SHISA7: variants seen among roughly 807,000 people sequenced by gnomAD.
SHISA7 encodes shisa family member 7, also known as protein shisa-7.
In SHISA7, 6 loss-of-function variants were observed where a neutral mutation model predicts 23.9. The ratio of observed to expected loss-of-function variants is 0.25; its 90% confidence interval spans 0.14 to 0.50. SHISA7 has a LOEUF of 0.50. Among genes scored for constraint, SHISA7 ranks in the 20% least tolerant of loss-of-function variants. The pLI is 0.98. For synonymous variants in SHISA7, 386 were observed against 398.3 expected (o/e 0.97, Z 0.37); for missense variants, 671 against 801.1 (o/e 0.84, Z 1.96).
chr19:55,442,514 T>TCACAGCAGAAGCGGTAGTGGCAGGTGC lies in SHISA7; in HGVS notation c.323_349dup (p.Gly108_Cys116dup). On this transcript the variant is annotated inframe_insertion, in exon 1 of 4. Transcript: ENST00000376325. ...CTGCGCCAGGCGCATGTGACGGTGC[T>TCACAGCAGAAGCGGTAGTGGCAGGTGC]CACAGCAGAAGCGGTAGTGGCAGGT... 6.8e-7 allele frequency: 1 copy of TCACAGCAGAAGCGGTAGTGGCAGGTGC among 1,478,564 alleles called. No homozygotes were observed. Among genetic ancestry groups the TCACAGCAGAAGCGGTAGTGGCAGGTGC allele is most frequent in the Non-Finnish European group, 9.0e-7 (1 of 1,111,036 alleles). The allele number at this position is 1,478,564 out of a possible 1,614,324, so 91.6% of individuals were successfully genotyped here.
At chr19:55,439,292 C>T (rs565495653) in intron 2 of SHISA7, among the ~76,000 whole-genome samples, 1 of 152,232 alleles carries the variant, frequency 6.6e-6, no homozygotes, top group Non-Finnish European at 1.5e-5. Context: ...CCTTGAAGCC[C>T]TTCTTCCCAT....
chr19:55,441,689 T>C (rs1434447354), intron 1 of SHISA7, among the ~76,000 whole-genome samples: 6 of 152,186 alleles, frequency 3.9e-5, no homozygotes, highest in Admixed American at 3.9e-4. Context: ...ACTGGGCCAC[T>C]GATAGTTAAT....
At position 55,433,556 on chromosome 19, in the gene SHISA7, C is replaced by A; in HGVS notation, c.1217G>T (p.Arg406Leu). 1 of 1,490,354 alleles carries A rather than the reference C, an allele frequency of 6.7e-7. No individual in the cohort carries two copies. Among genetic ancestry groups the A allele is most frequent in the South Asian group, 1.3e-5 (1 of 79,544 alleles). 92.3% of individuals were successfully genotyped at this position (1,490,354 alleles called of 1,614,324 possible). ...SRYEFTLPRA[R>L]LVSQEHLLLS... ...CAGCAGGTGCTCCTGCGACACCAGG[C>A]GCGCGCGCGGCAGCGTGAACTCGTA... is the stretch of plus-strand genomic sequence containing the variant. The change falls in exon 4 of 4, where the codon CGC becomes CTC. Residue 406 changes from arginine to leucine, a missense_variant. Physicochemically the swap from Arg to Leu is moderately radical, Grantham distance 102 (BLOSUM62 -2). Around this residue, in one of 5 missense-constraint regions of SHISA7, gnomAD observed 457 missense variants for 488.3 expected, o/e 0.94. Coordinates refer to ENST00000376325, the MANE Select transcript of SHISA7 (RefSeq NM_001145176.2). The surrounding 1 kb of genome is among the most constrained non-coding windows in gnomAD (Gnocchi z 8.4).
chr19:55,442,080 G>C, intron 1 of SHISA7, 113 bp downstream of exon 1: 1 of 1,112,374 alleles, frequency 9.0e-7, no homozygotes, highest in South Asian at 1.7e-5. Context: ...GCCGCCACCT[G>C]GGTCTCTGAC....
At chr19:55,440,862 A>C (rs1052126877) in intron 1 of SHISA7, 97 bp from the exon 2 acceptor site, 1 of 1,144,612 alleles carries the variant, frequency 8.7e-7, no homozygotes, top group East Asian at 3.2e-5. Flanking sequence ...CCCTTGGGTA[A>C]TCTGTCACTC....
At position 55,442,720 on chromosome 19, in the gene SHISA7, C is replaced by G. The variant is rs1457893762; in HGVS notation, c.144G>C (p.Thr48=). The change falls in exon 1 of 4, where the codon ACG becomes ACC. Residue 48 remains threonine, a synonymous_variant. Transcript: ENST00000376325. ...AHLRRLTGAL[T]GGGGAASPGA... is the part of the protein sequence containing the mutation. ...CTGGGCTCGCCGCGCCCCCGCCGCCCGTCAGCGCCCCGGTCAGGCGCCGCA... is the reference window on the plus strand; with the variant it reads ...CTGGGCTCGCCGCGCCCCCGCCGCCGGTCAGCGCCCCGGTCAGGCGCCGCA... 1 of 1,026,918 alleles carries G rather than the reference C, an allele frequency of 9.7e-7. No homozygotes were observed. Among genetic ancestry groups the G allele is most frequent in the Non-Finnish European group, 1.2e-6 (1 of 859,032 alleles). 63.6% of individuals were successfully genotyped at this position (1,026,918 alleles called of 1,614,324 possible). A position where few individuals can be genotyped will look rare whatever the true frequency, so the allele number is the denominator to read the frequency against.
rs561944314 is a variant in SHISA7 at position 55,434,659 on chromosome 19, GGT to G, written c.977-865_977-864del. Reference sequence around the variant, plus strand: ...GTGTGGTTGTGTGTATGGTGTGTGTGGTGTGTGTGTATGGTGTGTGGTGTGTG... The same window carrying G: ...GTGTGGTTGTGTGTATGGTGTGTGTGGTGTGTGTATGGTGTGTGGTGTGTG... On this transcript the variant is annotated intron_variant, in intron 3 of 3. Transcript: ENST00000376325. Among the ~76,000 whole-genome samples, 1,050 of 124,022 alleles carry G rather than the reference GGT, an allele frequency of 8.5e-3. 26 individuals are homozygous for G. Among genetic ancestry groups the G allele is most frequent in the African/African-American group, 0.031 (977 of 31,734 alleles). The allele number at this position is 124,022 out of a possible 152,430, so 81.4% of individuals were successfully genotyped here. A position where few individuals can be genotyped will look rare whatever the true frequency, so the allele number is the denominator to read the frequency against.
chr19:55,431,206 T>C lies in SHISA7; in HGVS notation c.*1950A>G, dbSNP rs1985195593. 1 of 152,184 alleles carries C rather than the reference T, an allele frequency of 6.6e-6. No homozygotes were observed. Among genetic ancestry groups the C allele is most frequent in the South Asian group, 2.1e-4 (1 of 4,832 alleles). 9.4% of individuals were successfully genotyped at this position (152,184 alleles called of 1,614,324 possible). Reference sequence around the variant, plus strand: ...TGGATCCCTGGAGATGATGACACCATGCATCCCTGCAAATGATGATGACAC... The same window carrying C: ...TGGATCCCTGGAGATGATGACACCACGCATCCCTGCAAATGATGATGACAC... On this transcript the variant is annotated 3_prime_UTR_variant, in exon 4 of 4. Transcript: ENST00000376325.
intron 3 of SHISA7, among the ~76,000 whole-genome samples, chr19:55,434,846 TGTGC>T (rs1469200125): frequency 3.9e-5 from 4 of 101,730 alleles, no homozygotes; most frequent in Non-Finnish European, 7.7e-5. Flanking sequence ...GTGGTGTGTG[TGTGC>T]GTGTGTGTAT....
At chr19:55,435,589 C>CAAAAAAAAAAA (rs1160895563) in intron 3 of SHISA7, among the ~76,000 whole-genome samples, 1 of 66,442 alleles carries the variant, frequency 1.5e-5, no homozygotes, top group Non-Finnish European at 2.8e-5. Flanking sequence ...TCCATCTCTA[C>CAAAAAAAAAAA]AAAAAAAAAA....
intron 3 of SHISA7, among the ~76,000 whole-genome samples, chr19:55,435,751 G>A (rs1478533856): frequency 6.8e-6 from 1 of 146,744 alleles, no homozygotes; most frequent in Non-Finnish European, 1.5e-5. Context: ...GCAAAAGAGT[G>A]AGACCTTGTC....
intron 2 of SHISA7, among the ~76,000 whole-genome samples, chr19:55,439,926 C>T (rs1417203911): frequency 6.6e-6 from 1 of 151,952 alleles, no homozygotes; most frequent in African/African-American, 2.4e-5. Context: ...CCTGACAGCT[C>T]CTTGGACCTC....
rs1277316607 is a variant in SHISA7, at chr19:55,442,872, C to A, written c.-9G>T. The A allele has an allele frequency of 7.4e-7, 1 of 1,348,008 alleles. No homozygotes were observed. The highest frequency in any genetic ancestry group is 9.5e-7 in the Non-Finnish European group (1 of 1,054,636). The allele number at this position is 1,348,008 out of a possible 1,614,324, so 83.5% of individuals were successfully genotyped here. On this transcript the variant is annotated 5_prime_UTR_variant, in exon 1 of 4. Transcript: ENST00000376325. Reference sequence around the variant, plus strand: ...AGCAGGAGGGCCGGCATGGGGCTTGCAGGGGGTCGCACTGGGCCGCCAGGC... The same window carrying A: ...AGCAGGAGGGCCGGCATGGGGCTTGAAGGGGGTCGCACTGGGCCGCCAGGC...
At chr19:55,435,138 GTGTATGGT>G (rs1985408502) in intron 3 of SHISA7, among the ~76,000 whole-genome samples, 1 of 54,626 alleles carries the variant, frequency 1.8e-5, no homozygotes, top group South Asian at 6.5e-4. Flanking sequence ...TGTGGTGTAT[GTGTATGGT>G]GTGTGTGTGT....
intron 2 of SHISA7, among the ~76,000 whole-genome samples, chr19:55,440,203 T>G (rs930855322): frequency 6.6e-6 from 1 of 152,000 alleles, no homozygotes; most frequent in East Asian, 1.9e-4. Flanking sequence ...CCCACAGAGG[T>G]GAGGTCACTT....
In SHISA7 at chr19:55,437,752, A is replaced by C. The variant is rs1568452020; in HGVS notation, c.829T>G (p.Trp277Gly). 6.5e-7 allele frequency: 1 copy of C among 1,549,988 alleles called. No homozygotes were observed. Among genetic ancestry groups the C allele is most frequent in the Non-Finnish European group, 8.7e-7 (1 of 1,146,378 alleles). Residue 277 changes from tryptophan to glycine, a missense_variant and splice_region_variant, in exon 3 of 4, where the codon TGG becomes GGG. Physicochemically the swap from Trp to Gly is radical, Grantham distance 184. Transcript: ENST00000376325. ...GGGCTGGGCGGCGGCAAGGCTCGCC[A>C]GTCTGGGTTAGAGGGGGCAGGGCCA... ...YNTVKTPNLD[W>G]RALPPPSPSL...
At position 55,433,286 on chromosome 19, in the gene SHISA7, C is replaced by T. The variant is rs2123343835; in HGVS notation, c.1487G>A (p.Gly496Glu). The change falls in exon 4 of 4, where the codon GGG (glycine) becomes GAG (glutamate). Residue 496 changes from glycine to glutamate, a missense_variant. By Grantham distance (98) the Gly-to-Glu change is moderately conservative (BLOSUM62 -2). Transcript: ENST00000376325. This position sits in a 1 kb window ranked among gnomAD's most constrained non-coding sequence, Gnocchi z 8.4. ...CCTGCGGGCCAGTGTGCCCCCGCCC[C>T]CGCCGGCGTCGGACATCCAGGCCGG... ...PQPAWMSDAG[G>E]GGGTLARRPP... is the part of the protein sequence containing the mutation. The T allele has an allele frequency of 6.6e-7, 1 of 1,505,494 alleles. No homozygotes were observed. Among genetic ancestry groups the T allele is most frequent in the African/African-American group, 1.4e-5 (1 of 69,098 alleles). The allele number at this position is 1,505,494 out of a possible 1,614,324, so 93.3% of individuals were successfully genotyped here. A position where few individuals can be genotyped will look rare whatever the true frequency, so the allele number is the denominator to read the frequency against.
rs1599873682 is a variant in SHISA7 at position 55,437,878 on chromosome 19, C to G, written c.827-124G>C. On this transcript the variant is annotated intron_variant, in intron 2 of 3. Transcript: ENST00000376325. ...AAACCCAGCCCCTCTTCCTTCAGACCCAGGAGTGCAGGCCCCCAGCCCCTC... is the reference window on the plus strand; with the variant it reads ...AAACCCAGCCCCTCTTCCTTCAGACGCAGGAGTGCAGGCCCCCAGCCCCTC... 16 of 1,236,136 alleles carry G rather than the reference C, an allele frequency of 1.3e-5. No homozygotes were observed. In the South Asian group the frequency reaches 2.5e-4, roughly 20 times the overall value. 76.6% of individuals were successfully genotyped at this position (1,236,136 alleles called of 1,614,324 possible).
At position 55,440,691 on chromosome 19, in the gene SHISA7, G is replaced by A. The variant is rs1379969830; in HGVS notation, c.746C>T (p.Thr249Ile). Residue 249 changes from threonine to isoleucine, a missense_variant, in exon 2 of 4, where the codon ACC becomes ATC. Transcript: ENST00000376325. ...RPDRARSSSL[T>I]PGIGGPDSMP... Reference sequence around the variant, plus strand: ...GCTGTCGGGACCGCCGATCCCCGGGGTCAGGGAGCTGCTTCGGGCCCGGTC... The same window carrying A: ...GCTGTCGGGACCGCCGATCCCCGGGATCAGGGAGCTGCTTCGGGCCCGGTC... The A allele has an allele frequency of 3.2e-6, 4 of 1,249,548 alleles. No individual in the cohort carries two copies. In the South Asian group the frequency reaches 1.6e-4, roughly 51 times the overall value. 77.4% of individuals were successfully genotyped at this position (1,249,548 alleles called of 1,614,324 possible).
Sources: allele counts gnomAD v4.1 joint callset (sites outside exome capture counted in the v4.1 genomes callset), GRCh38; gene constraint gnomAD v4.1.1; regional missense constraint gnomAD v4.1.1; non-coding constraint Gnocchi (gnomAD v3.1); transcripts MANE v1.5; gene names NCBI Gene and HGNC (gene_info 2026-07-23, HGNC 2026-07-21).